The following NCKAP5 variants were observed in gnomAD, a reference collection of about 807,000 sequenced individuals.
NCKAP5 encodes NCK associated protein 5.
In NCKAP5, 92 loss-of-function variants were observed where a neutral mutation model predicts 167.0. The ratio of observed to expected loss-of-function variants is 0.55; its 90% CI spans 0.47 to 0.66. The LOEUF is 0.66. Among genes scored for constraint, NCKAP5 ranks in the 30% least tolerant of loss-of-function variants. NCKAP5 has a pLI of 0.00. For missense variants in NCKAP5, 2,378 were observed against 2,315.0 expected (o/e 1.03, Z -0.56); for synonymous variants, 891 against 877.4 (o/e 1.02, Z -0.27).
chr2:133,516,327 T>C (rs1683990839), intron 3 of NCKAP5, among the ~76,000 whole-genome samples: 2 of 152,068 alleles, frequency 1.3e-5, no homozygotes, highest in South Asian at 4.2e-4. Flanking sequence ...AACCTGGAGT[T>C]AGCAAGACGT....
chr2:132,925,327 G>A (rs1296521087), intron 8 of NCKAP5, among the ~76,000 whole-genome samples: 1 of 151,888 alleles, frequency 6.6e-6, no homozygotes, highest in East Asian at 1.9e-4. Context: ...GGCCGAGGCG[G>A]GCAGATCAGA....
chr2:133,444,411 T>TAG (rs1691067589), intron 3 of NCKAP5, among the ~76,000 whole-genome samples: 1 of 151,104 alleles, frequency 6.6e-6, no homozygotes, highest in Admixed American at 6.6e-5. Flanking sequence ...TAGATAGATA[T>TAG]AGATATAGAT....
intron 3 of NCKAP5, among the ~76,000 whole-genome samples, chr2:133,392,259 G>C (rs945828236): frequency 2.0e-5 from 3 of 152,144 alleles, no homozygotes; most frequent in African/African-American, 7.2e-5. Flanking sequence ...TTGTGTTGCA[G>C]TTGCCTACAG....
At chr2:132,674,904 G>T (rs1684233768) in intron 19 of NCKAP5, among the ~76,000 whole-genome samples, 1 of 152,118 alleles carries the variant, frequency 6.6e-6, no homozygotes, top group Non-Finnish European at 1.5e-5. Flanking sequence ...GCGGGCTAAG[G>T]AACAGACTCC....
intron 11 of NCKAP5, among the ~76,000 whole-genome samples, chr2:132,805,491 T>C (rs1489592903): frequency 6.6e-6 from 1 of 152,178 alleles, no homozygotes; most frequent in African/African-American, 2.4e-5. Flanking sequence ...ACAAACATCA[T>C]TCATTCATTT....
chr2:133,317,267 T>G (rs1004053506), intron 3 of NCKAP5, among the ~76,000 whole-genome samples: 1 of 151,966 alleles, frequency 6.6e-6, no homozygotes, highest in African/African-American at 2.4e-5. Context: ...AAAATCACCA[T>G]GAAGATGAGG....
At chr2:133,031,725 G>A (rs532175010) in intron 6 of NCKAP5, among the ~76,000 whole-genome samples, 1 of 152,198 alleles carries the variant, frequency 6.6e-6, no homozygotes, top group East Asian at 1.9e-4. Flanking sequence ...CTTGAGGAGA[G>A]GAGAGGGAAG....
chr2:133,546,895 C>G (rs559276903), intron 2 of NCKAP5, among the ~76,000 whole-genome samples: 1 of 152,198 alleles, frequency 6.6e-6, no homozygotes, highest in Non-Finnish European at 1.5e-5. Context: ...CGAATAGGAA[C>G]AGCTACGGTC....
At chr2:133,185,812 A>G (rs1485136705) in intron 5 of NCKAP5, among the ~76,000 whole-genome samples, 1 of 152,032 alleles carries the variant, frequency 6.6e-6, no homozygotes, top group African/African-American at 2.4e-5. Context: ...CTAATTTTGT[A>G]CCCTGAAACT....
At chr2:132,884,209 T>C (rs1692027986) in intron 8 of NCKAP5, among the ~76,000 whole-genome samples, 1 of 152,226 alleles carries the variant, frequency 6.6e-6, no homozygotes. Flanking sequence ...TGGACAGACA[T>C]CTGCCACACA....
At chr2:133,663,296 C>G in the NCKAP5 span, among the ~76,000 whole-genome samples, 1 of 149,798 alleles carries the variant, frequency 6.7e-6, no homozygotes, top group Non-Finnish European at 1.5e-5. Context: ...AAAAAAATGC[C>G]GGTTATGAGC....
chr2:133,341,707 T>C (rs754034658), intron 3 of NCKAP5, among the ~76,000 whole-genome samples: 1 of 152,226 alleles, frequency 6.6e-6, no homozygotes, highest in African/African-American at 2.4e-5. Flanking sequence ...CACTTAACCA[T>C]GCTAGATTAT....
At chr2:133,402,941 T>C (rs1688194175) in intron 3 of NCKAP5, among the ~76,000 whole-genome samples, 1 of 152,236 alleles carries the variant, frequency 6.6e-6, no homozygotes, top group African/African-American at 2.4e-5. Context: ...CATTTTTCTG[T>C]TAAGAATTTC....
Position 132,785,296 on chromosome 2 carries a change from G to A in NCKAP5, c.1515C>T (p.His505=), listed in dbSNP as rs748566385. ...SCRPHGSKLT[H]SVSDSLFGWE... ...AGCCAAACAGACTGTCGGAAACACT[G>A]TGGGTTAATTTACTGCCATGTGGCC... The change falls in exon 14 of 20, where the codon CAC becomes CAT. Residue 505 remains histidine, a synonymous_variant. Coordinates refer to ENST00000409261, the MANE Select transcript of NCKAP5 (RefSeq NM_207363.3). 2.0e-5 allele frequency: 32 copies of A among 1,605,330 alleles called. No individual in the cohort carries two copies. Among genetic ancestry groups the A allele is most frequent in the Non-Finnish European group, 2.4e-5 (28 of 1,174,806 alleles).
At chr2:133,239,515 A>G (rs1465105871) in intron 4 of NCKAP5, among the ~76,000 whole-genome samples, 1 of 152,130 alleles carries the variant, frequency 6.6e-6, no homozygotes, top group East Asian at 1.9e-4. Context: ...AAGTAGAAAT[A>G]CTTTTCTGTT....
rs1156629686 is a variant in NCKAP5 at position 133,290,111 on chromosome 2, G to T, written c.143+12926C>A. 2.6e-5 allele frequency among the ~76,000 whole-genome samples: 4 copies of T among 152,210 alleles called. No individual in the cohort carries two copies. In the East Asian group the frequency reaches 7.7e-4, roughly 29 times the overall value. On this transcript the variant is annotated intron_variant, in intron 4 of 19. Transcript: ENST00000409261. ...AGCTCCATTCTGCATTCAAGTGTATGTTGGTCTTGCCAAAATTATCAATAC... is the reference window on the plus strand; with the variant it reads ...AGCTCCATTCTGCATTCAAGTGTATTTTGGTCTTGCCAAAATTATCAATAC...
At position 132,782,053 on chromosome 2, in the gene NCKAP5, A is replaced by G. The variant is rs1683077544; in HGVS notation, c.4758T>C (p.Asn1586=). Residue 1586 remains asparagine (N), a synonymous_variant, in exon 14 of 20, where the codon AAT becomes AAC. Transcript: ENST00000409261. ...AAATGTCTTGTGGTGTTCTCCGATT[A>G]TTTTTGCTTTGTAAACCGCCATCTG... The part of the protein sequence containing the change: ...DNPDGGLQSK[N]NRRTPQDIYN... The G allele has an allele frequency of 1.2e-6, 2 of 1,613,950 alleles. No individual in the cohort carries two copies. Among genetic ancestry groups the G allele is most frequent in the Non-Finnish European group, 1.7e-6 (2 of 1,179,860 alleles).
chr2:133,432,971 G>A (rs1460666310), intron 3 of NCKAP5, among the ~76,000 whole-genome samples: 1 of 152,120 alleles, frequency 6.6e-6, no homozygotes, highest in Non-Finnish European at 1.5e-5. Context: ...CCCAAAAGGA[G>A]AATTAATGGG....
intron 5 of NCKAP5, among the ~76,000 whole-genome samples, chr2:133,201,989 C>T (rs13018021): frequency 0.03 from 4,581 of 152,172 alleles, 105 homozygotes; most frequent in Middle Eastern, 0.068. Context: ...CAATGCCATC[C>T]CCATCAGGCT....
Sources: allele counts gnomAD v4.1 joint callset (sites outside exome capture counted in the v4.1 genomes callset), GRCh38; gene constraint gnomAD v4.1.1; transcripts MANE v1.5; gene names NCBI Gene and HGNC (gene_info 2026-07-23, HGNC 2026-07-21).